GPC6: variants seen among roughly 807,000 people sequenced by gnomAD.
GPC6 encodes glypican-6.
In GPC6, 14 loss-of-function variants were observed where a neutral mutation model predicts 55.2. The ratio of observed to expected loss-of-function variants is 0.25; its 90% CI spans 0.17 to 0.40. GPC6 has a LOEUF of 0.40. GPC6 is among the 10% of genes least tolerant of loss of function. GPC6 has a pLI of 1.00. For missense variants in GPC6, 641 were observed against 708.5 expected, an observed-to-expected ratio of 0.90 and a Z score of 1.08; for synonymous variants, 278 against 259.6, an observed-to-expected ratio of 1.07 and a Z score of -0.68.
intron 1 of GPC6, among the ~76,000 whole-genome samples, chr13:93,394,304 C>T (rs1450098346): frequency 6.6e-6 from 1 of 152,174 alleles, no homozygotes; most frequent in South Asian, 2.1e-4. Context: ...TAGAAAGTGG[C>T]CCAGCCTTAC....
chr13:93,636,017 A>C (rs187558995), intron 2 of GPC6, among the ~76,000 whole-genome samples: 2 of 151,740 alleles, frequency 1.3e-5, no homozygotes, highest in African/African-American at 4.9e-5. Context: ...TAATTCTAAC[A>C]CCCTTGAGAG....
chr13:93,976,879 G>T (rs960303413), intron 3 of GPC6, among the ~76,000 whole-genome samples: 3 of 151,856 alleles, frequency 2.0e-5, no homozygotes, highest in African/African-American at 7.3e-5. Context: ...TTCTATGCTT[G>T]GTCTTGATTG....
intron 1 of GPC6, among the ~76,000 whole-genome samples, chr13:93,295,870 G>A (rs1343813589): frequency 2.6e-5 from 4 of 152,040 alleles, no homozygotes; most frequent in Non-Finnish European, 5.9e-5. Flanking sequence ...CATCATGGCC[G>A]GCTAATTTTT....
chr13:94,307,501 C>T (rs991058351), intron 6 of GPC6, among the ~76,000 whole-genome samples: 2 of 151,958 alleles, frequency 1.3e-5, no homozygotes, highest in African/African-American at 2.4e-5. Context: ...TTTGTAGAGG[C>T]GTGGTTTTGC....
At chr13:93,256,971 A>G (rs7985953) in intron 1 of GPC6, among the ~76,000 whole-genome samples, 7,744 of 152,208 alleles carry the variant, frequency 0.051, 358 homozygotes, top group East Asian at 0.18. Flanking sequence ...TTAGAAAGAT[A>G]TCTTCCTTGC....
intron 1 of GPC6, among the ~76,000 whole-genome samples, chr13:93,396,534 C>T (rs376557864): frequency 6.6e-6 from 1 of 151,816 alleles, no homozygotes; most frequent in African/African-American, 2.4e-5. Context: ...GGGCATGATA[C>T]TCCAGCCCGG....
chr13:93,763,484 G>A (rs1264269124), intron 2 of GPC6, among the ~76,000 whole-genome samples: 1 of 152,172 alleles, frequency 6.6e-6, no homozygotes, highest in Admixed American at 6.6e-5. Context: ...GCCCCCAGCT[G>A]TTTCCCTGCA....
chr13:93,609,843 G>A (rs1276426326), intron 2 of GPC6, among the ~76,000 whole-genome samples: 1 of 152,110 alleles, frequency 6.6e-6, no homozygotes, highest in Non-Finnish European at 1.5e-5. Context: ...ACCTCAAGCT[G>A]GTTGTGGCAG....
At chr13:93,754,301 C>A (rs1214831080) in intron 2 of GPC6, among the ~76,000 whole-genome samples, 1 of 152,134 alleles carries the variant, frequency 6.6e-6, no homozygotes, top group Non-Finnish European at 1.5e-5. Context: ...AGTATTCCAT[C>A]TAATTTAGAA....
At chr13:93,995,119 T>G (rs1389030705) in intron 3 of GPC6, among the ~76,000 whole-genome samples, 1 of 152,172 alleles carries the variant, frequency 6.6e-6, no homozygotes, top group Non-Finnish European at 1.5e-5. Context: ...TTTCCTGTTT[T>G]GTCACTGTAT....
chr13:94,065,529 C>T (rs923713529), intron 4 of GPC6, among the ~76,000 whole-genome samples: 2 of 152,180 alleles, frequency 1.3e-5, no homozygotes, highest in Non-Finnish European at 2.9e-5. Context: ...CTGCAACTGA[C>T]AATATTAAAT....
intron 4 of GPC6, among the ~76,000 whole-genome samples, chr13:94,083,911 G>C (rs1249559071): frequency 1.3e-5 from 2 of 152,082 alleles, no homozygotes; most frequent in African/African-American, 2.4e-5. Flanking sequence ...CAGAGCACAG[G>C]GCTATATAAT....
At chr13:93,821,017 A>G (rs1382950616) in intron 2 of GPC6, among the ~76,000 whole-genome samples, 1 of 152,208 alleles carries the variant, frequency 6.6e-6, no homozygotes, top group Non-Finnish European at 1.5e-5. Flanking sequence ...CTTCCTGACT[A>G]CAAGAATTTA....
rs568626044 is a variant in GPC6 at position 93,715,077 on chromosome 13, T to C, written c.320-115077T>C. 6.1e-4 allele frequency among the ~76,000 whole-genome samples: 92 copies of C among 151,766 alleles called. 1 individual carries two copies. Among genetic ancestry groups the C allele is most frequent in the African/African-American group, 2.1e-3 (87 of 41,494 alleles). On this transcript the variant is annotated intron_variant, in intron 2 of 8. Transcript: ENST00000377047. The stretch of plus-strand genomic sequence containing the variant: ...GATTTCTTTACTGTATCCTGTCTTA[T>C]CAGTGCGGTCTTGTGACCTGTTGTC...
intron 3 of GPC6, among the ~76,000 whole-genome samples, chr13:93,844,992 C>G (rs1038177960): frequency 6.6e-6 from 1 of 152,000 alleles, no homozygotes; most frequent in African/African-American, 2.4e-5. Flanking sequence ...CTGTTCTGTT[C>G]CATTGATCTA....
At chr13:93,607,657 A>T (rs1282553992) in intron 2 of GPC6, among the ~76,000 whole-genome samples, 1 of 151,976 alleles carries the variant, frequency 6.6e-6, no homozygotes, top group Non-Finnish European at 1.5e-5. Context: ...CAGTAGGAAG[A>T]CCCCTCGGTC....
chr13:94,022,549 A>G (rs1882735970), intron 3 of GPC6, among the ~76,000 whole-genome samples: 2 of 152,112 alleles, frequency 1.3e-5, no homozygotes, highest in African/African-American at 4.8e-5. Context: ...ATAAACATGG[A>G]AGTGCAGATA....
intron 4 of GPC6, among the ~76,000 whole-genome samples, chr13:94,094,491 G>A (rs561359985): frequency 1.3e-5 from 2 of 152,046 alleles, no homozygotes; most frequent in South Asian, 4.1e-4. Flanking sequence ...GGTAAGTCAC[G>A]AAAGAAAGAT....
intron 4 of GPC6, among the ~76,000 whole-genome samples, chr13:94,047,740 C>T (rs1396480978): frequency 6.6e-6 from 1 of 152,054 alleles, no homozygotes; most frequent in African/African-American, 2.4e-5. Flanking sequence ...CTTTAAATTA[C>T]CAAAACCAGA....
Sources: allele counts gnomAD v4.1 joint callset (sites outside exome capture counted in the v4.1 genomes callset), GRCh38; gene constraint gnomAD v4.1.1; transcripts MANE v1.5; gene names NCBI Gene and HGNC (gene_info 2026-07-23, HGNC 2026-07-21).